The following FMN2 variants were observed in gnomAD, a reference collection of about 807,000 sequenced individuals.
The protein encoded by FMN2 is formin-2.
FMN2 carries 51 observed loss-of-function variants against 142.3 expected under a neutral mutation model. The ratio of observed to expected loss-of-function variants is 0.36; its 90% confidence interval spans 0.29 to 0.45. The LOEUF (loss-of-function observed/expected upper bound fraction) is 0.45. FMN2 is among the 20% of genes least tolerant of loss of function. The pLI, the probability that FMN2 is intolerant of heterozygous loss-of-function variation, is 1.00. For synonymous variants in FMN2, 882 were observed against 869.8 expected (o/e 1.01, Z -0.25); for missense variants, 1,936 against 2,122.8 (o/e 0.91, Z 1.73).
intron 14 of FMN2, among the ~76,000 whole-genome samples, chr1:240,389,229 T>A (rs1057108604): frequency 5.9e-5 from 9 of 152,240 alleles, no homozygotes; most frequent in African/African-American, 2.2e-4. Context: ...AAAGTTACAC[T>A]GGCTTTCAAA....
intron 16 of FMN2, among the ~76,000 whole-genome samples, chr1:240,461,123 CT>C (rs766551906): frequency 1.3e-5 from 2 of 152,188 alleles, no homozygotes; most frequent in African/African-American, 4.8e-5. Context: ...TGTATTCCCG[CT>C]TTTTATCCTT....
At chr1:240,396,555 T>C (rs1359005090) in intron 15 of FMN2, among the ~76,000 whole-genome samples, 1 of 152,102 alleles carries the variant, frequency 6.6e-6, no homozygotes, top group African/African-American at 2.4e-5. Context: ...AATGGTTCTG[T>C]CATCCAGGTA....
chr1:240,464,444 G>A (rs953867739), intron 16 of FMN2, among the ~76,000 whole-genome samples: 1 of 151,848 alleles, frequency 6.6e-6, no homozygotes, highest in African/African-American at 2.4e-5. Flanking sequence ...ACATATACCC[G>A]ACAAAAAAAT....
At position 240,219,031 on chromosome 1, in the gene FMN2, A is replaced by G. The variant is rs945020022; in HGVS notation, c.4065+7796A>G. ...AAGAATTTATTTGGTTTAAATATGT[A>G]GAGAGGATTAAGGGATGATTTTTGA... is the stretch of plus-strand genomic sequence containing the variant. On this transcript the variant is annotated intron_variant, in intron 6 of 17. Coordinates refer to ENST00000319653, the MANE Select transcript of FMN2 (RefSeq NM_020066.5). Among the ~76,000 whole-genome samples the G allele has an allele frequency of 6.6e-5, 10 of 152,178 alleles. 1 individual carries two copies. The South Asian group carries it at 2.1e-3, about 32-fold the overall frequency.
intron 6 of FMN2, among the ~76,000 whole-genome samples, chr1:240,240,919 T>C (rs2102867405): frequency 6.6e-6 from 1 of 152,330 alleles, no homozygotes; most frequent in South Asian, 2.1e-4. Context: ...GGCAAAAAGA[T>C]ATGTTCAAAG....
chr1:240,468,241 C>T (rs879387571), intron 16 of FMN2, among the ~76,000 whole-genome samples: 5 of 134,144 alleles, frequency 3.7e-5, no homozygotes, highest in Non-Finnish European at 6.3e-5. Flanking sequence ...TGTATTCACA[C>T]ACACACATAT....
At chr1:240,277,599 C>T (rs992447001) in intron 7 of FMN2, among the ~76,000 whole-genome samples, 1 of 128,168 alleles carries the variant, frequency 7.8e-6, no homozygotes. Context: ...GTGGCACAAT[C>T]TTGGCTTGCT....
intron 13 of FMN2, chr1:240,341,526 T>C (rs2103029240): frequency 6.6e-6 from 1 of 152,254 alleles, no homozygotes; most frequent in South Asian, 2.1e-4. Flanking sequence ...ACCTGTCCTC[T>C]TTTGTAAATA....
At chr1:240,373,015 C>T (rs1672923398) in intron 14 of FMN2, among the ~76,000 whole-genome samples, 1 of 152,020 alleles carries the variant, frequency 6.6e-6, no homozygotes, top group Non-Finnish European at 1.5e-5. Context: ...TGAAACCTCA[C>T]CTCTACTAAA....
chr1:240,242,140 C>T (rs545103931), intron 6 of FMN2, among the ~76,000 whole-genome samples: 33 of 152,212 alleles, frequency 2.2e-4, no homozygotes, highest in African/African-American at 7.2e-4. Context: ...CCACCGCGCC[C>T]GGCTAGTGTG....
chr1:240,112,415 C>T (rs951980135), intron 1 of FMN2, among the ~76,000 whole-genome samples: 4 of 151,894 alleles, frequency 2.6e-5, no homozygotes, highest in African/African-American at 9.7e-5. Context: ...CAGGCGTGAG[C>T]CACTGCATCT....
intron 2 of FMN2, among the ~76,000 whole-genome samples, chr1:240,168,695 T>C (rs1664580565): frequency 1.3e-5 from 2 of 151,952 alleles, no homozygotes; most frequent in South Asian, 4.1e-4. Flanking sequence ...GAAAAAAAGA[T>C]ATAGTAAGAA....
intron 6 of FMN2, among the ~76,000 whole-genome samples, chr1:240,239,573 G>A (rs1201367825): frequency 6.6e-6 from 1 of 152,202 alleles, no homozygotes; most frequent in Non-Finnish European, 1.5e-5. Flanking sequence ...GACTTTCAAG[G>A]AAGCTGGACA....
chr1:240,398,423 G>A (rs958695748), intron 15 of FMN2, among the ~76,000 whole-genome samples: 3 of 152,186 alleles, frequency 2.0e-5, no homozygotes, highest in African/African-American at 7.2e-5. Context: ...AAAAGCAAAA[G>A]CTGAGGTCAA....
At chr1:240,126,227 C>T (rs977418415) in intron 2 of FMN2, among the ~76,000 whole-genome samples, 1 of 152,026 alleles carries the variant, frequency 6.6e-6, no homozygotes, top group South Asian at 2.1e-4. Flanking sequence ...GAGAAATTTT[C>T]GATAATTAGT....
intron 15 of FMN2, among the ~76,000 whole-genome samples, chr1:240,428,968 A>G (rs1675047605): frequency 6.6e-6 from 1 of 152,016 alleles, no homozygotes; most frequent in Admixed American, 6.6e-5. Context: ...CATACTTACA[A>G]CTTTCTCTTA....
chr1:240,243,269 A>G (rs557133698), intron 6 of FMN2, among the ~76,000 whole-genome samples: 39 of 152,354 alleles, frequency 2.6e-4, no homozygotes, highest in African/African-American at 8.9e-4. Flanking sequence ...CAGACAGTTC[A>G]GAAAAGGCTC....
At chr1:240,197,692 G>A (rs935840702) in intron 4 of FMN2, among the ~76,000 whole-genome samples, 1 of 152,152 alleles carries the variant, frequency 6.6e-6, no homozygotes, top group African/African-American at 2.4e-5. Flanking sequence ...TTGAGTGAGA[G>A]AATAGGGAAA....
intron 2 of FMN2, chr1:240,143,575 G>T (rs917501094): frequency 1.9e-6 from 3 of 1,606,508 alleles, no homozygotes; most frequent in Admixed American, 3.3e-5. Flanking sequence ...CACATTCCCA[G>T]AGCCTGCCTA....
Sources: allele counts gnomAD v4.1 joint callset (sites outside exome capture counted in the v4.1 genomes callset), GRCh38; gene constraint gnomAD v4.1.1; transcripts MANE v1.5; gene names NCBI Gene and HGNC (gene_info 2026-07-23, HGNC 2026-07-21).